Variants in RYR2 observed in about 807,000 individuals in gnomAD.
RYR2 encodes the protein cardiac muscle ryanodine receptor-calcium release channel.
A neutral mutation model predicts 601.1 loss-of-function variants in RYR2; 227 were observed. The observed-to-expected ratio is 0.38, with a 90% confidence interval of 0.34 to 0.42. The LOEUF is 0.42. Among genes scored for constraint, RYR2 ranks in the 10% least tolerant of loss-of-function variants. RYR2 has a pLI of 1.00. For synonymous variants in RYR2, 2,223 were observed against 2,175.1 expected, an observed-to-expected ratio of 1.02 and a Z score of -0.61; for missense variants, 4,646 against 6,156.5, an observed-to-expected ratio of 0.75 and a Z score of 8.21.
chr1:237,047,389 C>CTTTTTTT (rs3056166), intron 1 of RYR2, among the ~76,000 whole-genome samples: 2 of 123,716 alleles, frequency 1.6e-5, no homozygotes, highest in Non-Finnish European at 1.6e-5. Flanking sequence ...CCTTTCTAGC[C>CTTTTTTT]TTTTTTTTTT....
At chr1:237,500,607 C>G in intron 20 of RYR2, 104 bp from the exon 21 acceptor site, 1 of 855,786 alleles carries the variant, frequency 1.2e-6, no homozygotes. Context: ...TGATGTTGTG[C>G]ATTGGTTTGT....
At chr1:237,706,034 A>C (rs1688346082) in intron 67 of RYR2, among the ~76,000 whole-genome samples, 1 of 151,972 alleles carries the variant, frequency 6.6e-6, no homozygotes, top group South Asian at 2.1e-4. Flanking sequence ...GTAGATCACG[A>C]GGTCAGGAGT....
At chr1:237,049,877 G>A (rs1036805281) in intron 1 of RYR2, among the ~76,000 whole-genome samples, 5 of 152,144 alleles carry the variant, frequency 3.3e-5, no homozygotes, top group Non-Finnish European at 7.4e-5. Context: ...TGTCCCAGCC[G>A]TGAAGTACTT....
chr1:237,366,253 T>A (rs1233982131), intron 5 of RYR2, among the ~76,000 whole-genome samples: 1 of 152,226 alleles, frequency 6.6e-6, no homozygotes, highest in East Asian at 1.9e-4. Context: ...AGACTTTCCA[T>A]GAAGACACCA....
chr1:237,309,582 C>T (rs996686636), intron 2 of RYR2, among the ~76,000 whole-genome samples: 23 of 152,368 alleles, frequency 1.5e-4, no homozygotes, highest in African/African-American at 5.5e-4. Context: ...CTGGATCCCA[C>T]ACAAGGGCCG....
intron 100 of RYR2, among the ~76,000 whole-genome samples, chr1:237,818,205 C>A (rs937502775): frequency 6.6e-6 from 1 of 152,180 alleles, no homozygotes; most frequent in Non-Finnish European, 1.5e-5. Flanking sequence ...TCATTTGCCA[C>A]CCCCTGCCCC....
At chr1:237,797,372 GTT>G (rs35334511) in intron 96 of RYR2, among the ~76,000 whole-genome samples, 8,510 of 152,198 alleles carry the variant, frequency 0.056, 319 homozygotes, top group African/African-American at 0.1. Context: ...AGGTCCTGGT[GTT>G]TTACTGAAGA....
chr1:237,473,181 T>C (rs1212676634), intron 17 of RYR2, among the ~76,000 whole-genome samples: 1 of 152,002 alleles, frequency 6.6e-6, no homozygotes, highest in African/African-American at 2.4e-5. Flanking sequence ...CCCAGCACTT[T>C]GGGAGGCTGA....
chr1:237,653,621 AGGG>A (rs1295300655), intron 51 of RYR2, among the ~76,000 whole-genome samples: 3 of 152,290 alleles, frequency 2.0e-5, no homozygotes, highest in Non-Finnish European at 2.9e-5. Flanking sequence ...GTATATATGA[AGGG>A]GAGTTTATTA....
chr1:237,751,415 T>C (rs1692525512), intron 80 of RYR2, among the ~76,000 whole-genome samples: 1 of 152,234 alleles, frequency 6.6e-6, no homozygotes, highest in African/African-American at 2.4e-5. Flanking sequence ...TTTCTTTCCT[T>C]GTTATACCTT....
chr1:237,649,400 C>T (rs866795263), intron 49 of RYR2, among the ~76,000 whole-genome samples: 1 of 151,920 alleles, frequency 6.6e-6, no homozygotes, highest in Admixed American at 6.6e-5. Flanking sequence ...ATAGTATGGG[C>T]GATAACATAG....
At chr1:237,399,752 A>G (rs1321867460) in intron 10 of RYR2, among the ~76,000 whole-genome samples, 1 of 151,996 alleles carries the variant, frequency 6.6e-6, no homozygotes, top group Non-Finnish European at 1.5e-5. Flanking sequence ...TCCTAAATAT[A>G]GTGGGGGAGG....
At chr1:237,247,416 C>T (rs1325878665) in intron 1 of RYR2, among the ~76,000 whole-genome samples, 2 of 152,148 alleles carry the variant, frequency 1.3e-5, no homozygotes, top group Non-Finnish European at 2.9e-5. Flanking sequence ...CCTGTCAGGG[C>T]TAATCTTTAA....
intron 1 of RYR2, chr1:237,270,280 C>A (rs747015570): frequency 1.5e-6 from 1 of 681,944 alleles, no homozygotes; most frequent in East Asian, 3.0e-5. Context: ...GGCCGTAGCT[C>A]CCCTCTTTTC....
chr1:237,538,583 C>A (rs1426023983), intron 25 of RYR2, among the ~76,000 whole-genome samples: 1 of 151,028 alleles, frequency 6.6e-6, no homozygotes. Context: ...ACCAGCCCGG[C>A]CAACATGGTG....
At chr1:237,419,121 TTA>T (rs1267829730) in intron 11 of RYR2, among the ~76,000 whole-genome samples, 1 of 152,088 alleles carries the variant, frequency 6.6e-6, no homozygotes, top group Non-Finnish European at 1.5e-5. Flanking sequence ...TAATTACTAA[TTA>T]TATATGTAAT....
chr1:237,536,911 A>G (rs1668702536), intron 25 of RYR2, among the ~76,000 whole-genome samples: 1 of 151,978 alleles, frequency 6.6e-6, no homozygotes. Context: ...GCAGAACAAT[A>G]TCAAGAACTC....
At chr1:237,213,537 T>C (rs1045808183) in intron 1 of RYR2, among the ~76,000 whole-genome samples, 28 of 152,186 alleles carry the variant, frequency 1.8e-4, no homozygotes, top group African/African-American at 6.8e-4. Flanking sequence ...AGTGTATTTC[T>C]TCTTTTGTGA....
chr1:237,639,867 C>T (rs1681281414), intron 46 of RYR2, among the ~76,000 whole-genome samples: 1 of 152,072 alleles, frequency 6.6e-6, no homozygotes, highest in Non-Finnish European at 1.5e-5. Flanking sequence ...TTTATTGAGG[C>T]ACATTTCTAA....
Sources: allele counts gnomAD v4.1 joint callset (sites outside exome capture counted in the v4.1 genomes callset), GRCh38; gene constraint gnomAD v4.1.1; transcripts MANE v1.5; gene names NCBI Gene and HGNC (gene_info 2026-07-23, HGNC 2026-07-21).